The following PLPP1 variants were observed in gnomAD, a reference collection of about 807,000 sequenced individuals.
The protein encoded by PLPP1 is lipid phosphate phosphohydrolase 1a.
In PLPP1, 24 loss-of-function variants were observed where a neutral mutation model predicts 31.2. That is an observed-to-expected ratio of 0.77 (90% CI 0.56 to 1.08). The LOEUF (loss-of-function observed/expected upper bound fraction) is 1.08. Among genes scored for constraint, PLPP1 ranks in the 50% least tolerant of loss-of-function variants. The probability of loss-of-function intolerance (pLI) is 0.00; values close to 1 mark genes in which losing one functional copy is unlikely to be tolerated. For missense variants in PLPP1, 319 were observed against 342.7 expected (o/e 0.93, Z 0.55); for synonymous variants, 146 against 126.3 (o/e 1.16, Z -1.05).
chr5:55,507,328 G>C (rs1016061341), intron 1 of PLPP1, among the ~76,000 whole-genome samples: 3 of 152,140 alleles, frequency 2.0e-5, no homozygotes, highest in African/African-American at 7.2e-5. Flanking sequence ...ACAGACTGAA[G>C]ATGAATATCT....
At chr5:55,525,670 G>A (rs1740406628) in intron 1 of PLPP1, among the ~76,000 whole-genome samples, 1 of 152,120 alleles carries the variant, frequency 6.6e-6, no homozygotes, top group South Asian at 2.1e-4. Flanking sequence ...GAGTAAAAAG[G>A]CAACCTACCT....
chr5:55,453,423 CTT>C (rs1751935786), intron 3 of PLPP1, among the ~76,000 whole-genome samples: 1 of 152,170 alleles, frequency 6.6e-6, no homozygotes, highest in Non-Finnish European at 1.5e-5. Flanking sequence ...ACTTCCCTCT[CTT>C]GTCATTCTTT....
At chr5:55,481,414 C>T (rs1752665613) in intron 1 of PLPP1, among the ~76,000 whole-genome samples, 1 of 152,136 alleles carries the variant, frequency 6.6e-6, no homozygotes. Context: ...GAATCTAAAA[C>T]ATACCAGATG....
chr5:55,446,369 AT>A (rs1322797520), intron 3 of PLPP1, among the ~76,000 whole-genome samples: 14 of 152,134 alleles, frequency 9.2e-5, no homozygotes, highest in Non-Finnish European at 1.9e-4. Context: ...TAAATTTTAA[AT>A]TACCATATAT....
chr5:55,513,989 A>G (rs1459304909), intron 1 of PLPP1, among the ~76,000 whole-genome samples: 1 of 152,242 alleles, frequency 6.6e-6, no homozygotes, highest in Non-Finnish European at 1.5e-5. Context: ...TACGGAAATC[A>G]GACTGACTTC....
intron 3 of PLPP1, among the ~76,000 whole-genome samples, chr5:55,444,802 G>A (rs1412914178): frequency 8.0e-6 from 1 of 125,446 alleles, no homozygotes; most frequent in African/African-American, 3.0e-5. Context: ...CCAGGCTGGA[G>A]TGCAGTGGCG....
At chr5:55,506,241 A>C (rs1400082968) in intron 1 of PLPP1, among the ~76,000 whole-genome samples, 5 of 149,674 alleles carry the variant, frequency 3.3e-5, no homozygotes, top group Admixed American at 2.7e-4. Flanking sequence ...ATATAAAAGA[A>C]GACACAAATA....
chr5:55,459,606 A>T (rs937681990), intron 3 of PLPP1, among the ~76,000 whole-genome samples: 1 of 152,240 alleles, frequency 6.6e-6, no homozygotes, highest in Non-Finnish European at 1.5e-5. Flanking sequence ...ATGTTCTCTA[A>T]ACACAATGAA....
At chr5:55,473,142 TA>T (rs534814381) in intron 2 of PLPP1, among the ~76,000 whole-genome samples, 5 of 152,154 alleles carry the variant, frequency 3.3e-5, no homozygotes, top group Non-Finnish European at 5.9e-5. Flanking sequence ...ACATACTTTT[TA>T]AAAAAAGACC....
intron 1 of PLPP1, among the ~76,000 whole-genome samples, chr5:55,513,419 C>A (rs1337704298): frequency 6.6e-6 from 1 of 152,046 alleles, no homozygotes; most frequent in Non-Finnish European, 1.5e-5. Flanking sequence ...TACCACCACA[C>A]CTGGCTAATT....
At chr5:55,521,629 G>A (rs747307235) in intron 1 of PLPP1, among the ~76,000 whole-genome samples, 6 of 152,156 alleles carry the variant, frequency 3.9e-5, no homozygotes, top group Non-Finnish European at 8.8e-5. Context: ...CTCATTCTTA[G>A]TAATCTCAGT....
chr5:55,466,049 T>C (rs1752286185), intron 3 of PLPP1, among the ~76,000 whole-genome samples: 1 of 152,190 alleles, frequency 6.6e-6, no homozygotes, highest in Admixed American at 6.5e-5. Context: ...TAGCCCCTTA[T>C]AAAAATGCTT....
intron 1 of PLPP1, among the ~76,000 whole-genome samples, chr5:55,532,297 G>GT (rs1195302839): frequency 6.6e-6 from 1 of 151,964 alleles, no homozygotes; most frequent in African/African-American, 2.4e-5. Flanking sequence ...CCTCAGAGCA[G>GT]TATTATGTTT....
intron 4 of PLPP1, among the ~76,000 whole-genome samples, chr5:55,436,325 G>C (rs1368747840): frequency 6.6e-6 from 1 of 152,082 alleles, no homozygotes; most frequent in African/African-American, 2.4e-5. Flanking sequence ...TGAATCATGG[G>C]GGCAGGTCTT....
At chr5:55,473,999 T>TTTTGTTTTTG (rs1561237100) in intron 2 of PLPP1, among the ~76,000 whole-genome samples, 9 of 144,670 alleles carry the variant, frequency 6.2e-5, no homozygotes, top group African/African-American at 2.1e-4. Context: ...TGTTTGTTGT[T>TTTTGTTTTTG]TTTTTTTTTT....
intron 3 of PLPP1, 103 bp downstream of exon 3, chr5:55,467,766 C>T (rs1361514199): frequency 1.6e-6 from 2 of 1,269,764 alleles, no homozygotes; most frequent in South Asian, 1.5e-5. Flanking sequence ...CCAGTGATAA[C>T]ACTAACTTCT....
chr5:55,451,713 C>T (rs534164100), intron 3 of PLPP1, among the ~76,000 whole-genome samples: 2 of 152,250 alleles, frequency 1.3e-5, no homozygotes, highest in African/African-American at 2.4e-5. Flanking sequence ...AGGTGTGCAC[C>T]ACCATGCCTG....
intron 1 of PLPP1, chr5:55,530,605 G>A (rs1416997224): frequency 3.4e-6 from 5 of 1,453,240 alleles, no homozygotes; most frequent in Admixed American, 1.7e-5. Flanking sequence ...AGTCTCATGC[G>A]ATAGAATTTA....
intron 3 of PLPP1, among the ~76,000 whole-genome samples, chr5:55,443,192 A>AATATATATAT (rs1159178740): frequency 0.099 from 2,488 of 25,088 alleles, 284 homozygotes; most frequent in Middle Eastern, 0.27. Flanking sequence ...AAAAAAAAAA[A>AATATATATAT]ATATATATAT....
Sources: allele counts gnomAD v4.1 joint callset (sites outside exome capture counted in the v4.1 genomes callset), GRCh38; gene constraint gnomAD v4.1.1; transcripts MANE v1.5; gene names NCBI Gene and HGNC (gene_info 2026-07-23, HGNC 2026-07-21).